Variants in TNR observed in about 807,000 individuals in gnomAD.
TNR encodes tenascin-R.
TNR carries 45 observed loss-of-function variants against 150.4 expected under a neutral mutation model. The ratio of observed to expected loss-of-function variants is 0.30; its 90% CI spans 0.24 to 0.38. The LOEUF is 0.38. Among genes scored for constraint, TNR ranks in the 10% least tolerant of loss-of-function variants. The pLI is 1.00. For missense variants in TNR, 1,544 were observed against 1,759.1 expected (o/e 0.88, Z 2.19); for synonymous variants, 687 against 678.4 (o/e 1.01, Z -0.20).
intron 1 of TNR, among the ~76,000 whole-genome samples, chr1:175,588,261 T>A (rs1019180270): frequency 6.6e-6 from 1 of 152,226 alleles, no homozygotes; most frequent in Admixed American, 6.5e-5. Context: ...CTCAAAACTT[T>A]GTGGCGGTAG....
chr1:175,597,699 A>C (rs1663062816), intron 1 of TNR, among the ~76,000 whole-genome samples: 1 of 152,158 alleles, frequency 6.6e-6, no homozygotes, highest in Admixed American at 6.5e-5. Flanking sequence ...TGTATTGGAA[A>C]TGTGGGGGCA....
At chr1:175,630,742 C>T (rs940727647) in intron 1 of TNR, among the ~76,000 whole-genome samples, 3 of 152,178 alleles carry the variant, frequency 2.0e-5, no homozygotes, top group African/African-American at 2.4e-5. Context: ...CCTTTTATAA[C>T]TGTCAGGGCT....
intron 1 of TNR, among the ~76,000 whole-genome samples, chr1:175,559,201 A>G (rs1661315274): frequency 2.0e-5 from 3 of 152,240 alleles, no homozygotes; most frequent in Admixed American, 2.0e-4. Flanking sequence ...ATTGGTAGTG[A>G]TAGAAATGCT....
At chr1:175,725,481 A>G (rs771242840) in intron 1 of TNR, among the ~76,000 whole-genome samples, 4 of 152,228 alleles carry the variant, frequency 2.6e-5, no homozygotes, top group Non-Finnish European at 5.9e-5. Flanking sequence ...CTAAAATGAC[A>G]AATGTTCACA....
chr1:175,355,108 G>A (rs910180181), intron 17 of TNR, among the ~76,000 whole-genome samples: 1 of 152,182 alleles, frequency 6.6e-6, no homozygotes, highest in East Asian at 1.9e-4. Context: ...GCTCAGCCCT[G>A]TTGTTGAAAA....
chr1:175,665,049 A>G (rs184665143), intron 1 of TNR, among the ~76,000 whole-genome samples: 2 of 152,346 alleles, frequency 1.3e-5, no homozygotes, highest in Admixed American at 1.3e-4. Context: ...GATACAGCCA[A>G]CGTTCACATG....
intron 1 of TNR, among the ~76,000 whole-genome samples, chr1:175,568,104 C>A (rs958405859): frequency 4.6e-5 from 7 of 152,316 alleles, no homozygotes; most frequent in African/African-American, 1.4e-4. Context: ...GCTGACAGAT[C>A]ATCTCAAGCC....
chr1:175,346,460 T>A (rs960005538), intron 18 of TNR, among the ~76,000 whole-genome samples: 3 of 151,922 alleles, frequency 2.0e-5, no homozygotes, highest in Admixed American at 1.3e-4. Context: ...GGAGGAGGGA[T>A]AAACAAACAG....
chr1:175,442,838 C>A (rs1655857742), intron 2 of TNR, among the ~76,000 whole-genome samples: 1 of 151,742 alleles, frequency 6.6e-6, no homozygotes, highest in African/African-American at 2.4e-5. Flanking sequence ...AACTCCAAAA[C>A]AGGTTGTCAC....
At chr1:175,515,965 G>A (rs1043009437) in intron 2 of TNR, among the ~76,000 whole-genome samples, 26 of 152,340 alleles carry the variant, frequency 1.7e-4, no homozygotes, top group South Asian at 6.2e-4. Flanking sequence ...GTTGGTGGCT[G>A]CAATATGTTC....
chr1:175,488,570 G>C (rs941013981), intron 2 of TNR, among the ~76,000 whole-genome samples: 1 of 152,202 alleles, frequency 6.6e-6, no homozygotes, highest in Non-Finnish European at 1.5e-5. Context: ...ACAGTCTTTG[G>C]TGGTAAGTTG....
At chr1:175,661,478 G>A (rs1665369703) in intron 1 of TNR, among the ~76,000 whole-genome samples, 2 of 152,162 alleles carry the variant, frequency 1.3e-5, no homozygotes, top group East Asian at 1.9e-4. Flanking sequence ...ACTTGGCCGG[G>A]GCAATGGGTT....
At chr1:175,576,309 G>A (rs1662109518) in intron 1 of TNR, among the ~76,000 whole-genome samples, 2 of 152,178 alleles carry the variant, frequency 1.3e-5, no homozygotes, top group South Asian at 4.1e-4. Flanking sequence ...GCAAAGTCAG[G>A]TGGAGAGAAT....
At chr1:175,726,777 A>G (rs1667492128) in intron 1 of TNR, among the ~76,000 whole-genome samples, 1 of 152,218 alleles carries the variant, frequency 6.6e-6, no homozygotes, top group South Asian at 2.1e-4. Flanking sequence ...CTTTTAAAAT[A>G]TTATTTTTTC....
At chr1:175,614,857 G>A (rs1009975481) in intron 1 of TNR, among the ~76,000 whole-genome samples, 1 of 152,242 alleles carries the variant, frequency 6.6e-6, no homozygotes, top group African/African-American at 2.4e-5. Context: ...TCCACACAGT[G>A]GGTGACCGGC....
chr1:175,417,695 T>C (rs1327835781), intron 2 of TNR, among the ~76,000 whole-genome samples: 1 of 152,162 alleles, frequency 6.6e-6, no homozygotes, highest in Non-Finnish European at 1.5e-5. Context: ...ATCTTAGGAA[T>C]AGTCACCTTT....
intron 1 of TNR, among the ~76,000 whole-genome samples, chr1:175,696,305 G>A (rs1214066451): frequency 6.7e-6 from 1 of 149,682 alleles, no homozygotes; most frequent in African/African-American, 2.5e-5. Flanking sequence ...AGGTAAATGG[G>A]CGGGCCAGCT....
chr1:175,371,868 T>C (rs1474748043), intron 9 of TNR, among the ~76,000 whole-genome samples: 3 of 151,962 alleles, frequency 2.0e-5, no homozygotes, highest in Non-Finnish European at 4.4e-5. Flanking sequence ...GAGGAAGGAG[T>C]GGAGTAAGCA....
chr1:175,534,930 CT>C (rs1660211919), intron 1 of TNR, among the ~76,000 whole-genome samples: 1 of 152,174 alleles, frequency 6.6e-6, no homozygotes, highest in Admixed American at 6.5e-5. Context: ...TTATAAGGGG[CT>C]TTTCCCCCTT....
Sources: allele counts gnomAD v4.1 joint callset (sites outside exome capture counted in the v4.1 genomes callset), GRCh38; gene constraint gnomAD v4.1.1; transcripts MANE v1.5; gene names NCBI Gene and HGNC (gene_info 2026-07-23, HGNC 2026-07-21).